Variants in ARMH3 observed in about 807,000 individuals in gnomAD.
ARMH3 encodes the protein armadillo like helical domain containing 3.
Under a neutral mutation model 99.1 loss-of-function variants are expected in ARMH3, and 60 were observed. The ratio of observed to expected loss-of-function variants is 0.61; its 90% confidence interval spans 0.49 to 0.75. ARMH3 has a LOEUF of 0.75. Ranked by LOEUF, ARMH3 falls within the 30% of genes least tolerant of loss-of-function variation. The pLI, the probability that ARMH3 is intolerant of heterozygous loss-of-function variation, is 0.00. For missense variants in ARMH3, 679 were observed against 843.1 expected, an observed-to-expected ratio of 0.81 and a Z score of 2.41; for synonymous variants, 285 against 292.8, an observed-to-expected ratio of 0.97 and a Z score of 0.27.
At chr10:101,867,988 AAAAG>A (rs2067044174) in intron 24 of ARMH3, among the ~76,000 whole-genome samples, 1 of 152,090 alleles carries the variant, frequency 6.6e-6, no homozygotes, top group Non-Finnish European at 1.5e-5. Flanking sequence ...AAAAAAAAAA[AAAAG>A]AATTGGAAAA....
intron 20 of ARMH3, among the ~76,000 whole-genome samples, chr10:101,966,488 G>A (rs568860456): frequency 6.6e-5 from 10 of 151,750 alleles, no homozygotes; most frequent in South Asian, 6.3e-4. Flanking sequence ...GGCTGGTCTC[G>A]AACTCCTGAC....
chr10:101,991,995 C>T lies in ARMH3; in HGVS notation c.1319G>A (p.Cys440Tyr), dbSNP rs762298175. Reference sequence around the variant, plus strand: ...CAGTACTGCACATACTAAAGGACGGCAGGGAAGATTCTTGTCTGCTGCCTT... The same window carrying T: ...CAGTACTGCACATACTAAAGGACGGTAGGGAAGATTCTTGTCTGCTGCCTT... Reference protein sequence around the residue: ...RKKAADKNLPCRPLVCAVLDL... With the variant: ...RKKAADKNLPYRPLVCAVLDL... Residue 440 changes from cysteine (C) to tyrosine (Y), a missense_variant, in exon 18 of 26, where the codon TGC becomes TAC. Around this residue, in one of 3 missense-constraint regions of ARMH3, gnomAD observed 389 missense variants for 456.5 expected, o/e 0.85. Coordinates refer to ENST00000370033, the MANE Select transcript of ARMH3 (RefSeq NM_024541.3). The T allele has an allele frequency of 3.1e-6, 5 of 1,614,120 alleles. No individual in the cohort carries two copies. Among genetic ancestry groups the T allele is most frequent in the Non-Finnish European group, 2.5e-6 (3 of 1,179,996 alleles).
chr10:101,991,992 C>CG lies in ARMH3; in HGVS notation c.1321dup (p.Arg441ProfsTer71). ...ACCCAGTACTGCACATACTAAAGGACGGCAGGGAAGATTCTTGTCTGCTGC... is the reference window on the plus strand; with the variant it reads ...ACCCAGTACTGCACATACTAAAGGACGGGCAGGGAAGATTCTTGTCTGCTGC... On this transcript the variant is annotated frameshift_variant, in exon 18 of 26. Coordinates refer to ENST00000370033, the MANE Select transcript of ARMH3 (RefSeq NM_024541.3). LOFTEE classifies it high-confidence loss of function. The CG allele has an allele frequency of 6.2e-7, 1 of 1,614,068 alleles. No homozygotes were observed. Among genetic ancestry groups the CG allele is most frequent in the African/African-American group, 1.3e-5 (1 of 75,014 alleles).
At chr10:101,992,493 T>C (rs902963778) in intron 17 of ARMH3, among the ~76,000 whole-genome samples, 14 of 146,896 alleles carry the variant, frequency 9.5e-5, no homozygotes, top group African/African-American at 2.9e-4. Context: ...TAAACCTCAA[T>C]GTAATTTTTT....
chr10:102,039,182 T>C (rs375309327), intron 2 of ARMH3, among the ~76,000 whole-genome samples: 3 of 152,150 alleles, frequency 2.0e-5, no homozygotes, highest in East Asian at 3.8e-4. Context: ...TCTTACTCTG[T>C]TGCCCAGGCT....
intron 23 of ARMH3, among the ~76,000 whole-genome samples, chr10:101,890,770 A>G (rs2067670278): frequency 6.6e-6 from 1 of 152,184 alleles, no homozygotes; most frequent in African/African-American, 2.4e-5. Flanking sequence ...TGTAGATACC[A>G]TGTAACCCTT....
intron 24 of ARMH3, among the ~76,000 whole-genome samples, chr10:101,851,427 T>C (rs144953725): frequency 1.3e-5 from 2 of 152,224 alleles, no homozygotes; most frequent in East Asian, 1.9e-4. Context: ...GGAAAGCCTA[T>C]GGCATCATGG....
intron 2 of ARMH3, among the ~76,000 whole-genome samples, chr10:102,037,031 G>A (rs533261376): frequency 4.0e-5 from 6 of 151,734 alleles, no homozygotes; most frequent in East Asian, 1.9e-4. Flanking sequence ...CAGCTTGGGC[G>A]ACAGAGCAAG....
At chr10:102,024,756 T>C (rs1467504895) in intron 6 of ARMH3, among the ~76,000 whole-genome samples, 3 of 151,418 alleles carry the variant, frequency 2.0e-5, no homozygotes, top group Admixed American at 6.6e-5. Flanking sequence ...GAGGCAGACG[T>C]TGAAGTGAGC....
chr10:102,032,284 A>T (rs2067149606), intron 4 of ARMH3, among the ~76,000 whole-genome samples: 1 of 152,226 alleles, frequency 6.6e-6, no homozygotes, highest in African/African-American at 2.4e-5. Flanking sequence ...TATCTCTATC[A>T]TCCAGCCCAA....
At chr10:102,013,253 A>G (rs1461239747) in intron 9 of ARMH3, among the ~76,000 whole-genome samples, 2 of 152,238 alleles carry the variant, frequency 1.3e-5, no homozygotes, top group African/African-American at 2.4e-5. Flanking sequence ...CAATGAGTCC[A>G]TGCTAAATGA....
intron 8 of ARMH3, among the ~76,000 whole-genome samples, chr10:102,022,832 G>T (rs899691115): frequency 6.6e-6 from 1 of 150,844 alleles, no homozygotes; most frequent in East Asian, 2.0e-4. Flanking sequence ...CACCCACCTC[G>T]GCCTCCCAAA....
chr10:102,029,839 A>G (rs1055840627), intron 4 of ARMH3, 94 bp from the exon 5 acceptor site: 2 of 1,208,316 alleles, frequency 1.7e-6, no homozygotes, highest in African/African-American at 3.0e-5. Context: ...CTGACACTGA[A>G]TAAATTCAAT....
intron 1 of ARMH3, among the ~76,000 whole-genome samples, chr10:102,053,803 C>T (rs574058199): frequency 6.6e-6 from 1 of 152,064 alleles, no homozygotes; most frequent in African/African-American, 2.4e-5. Context: ...GCACTACAGG[C>T]GCCCGCCACC....
At chr10:101,861,363 T>C (rs1383094954) in intron 24 of ARMH3, among the ~76,000 whole-genome samples, 3 of 152,110 alleles carry the variant, frequency 2.0e-5, no homozygotes, top group Non-Finnish European at 4.4e-5. Flanking sequence ...CATTCAGAAA[T>C]GAGAGTAAAA....
intron 19 of ARMH3, among the ~76,000 whole-genome samples, chr10:101,982,020 T>A (rs1590127811): frequency 6.1e-5 from 3 of 49,574 alleles, no homozygotes; most frequent in African/African-American, 1.3e-4. Flanking sequence ...AGACTCTATC[T>A]CAAAAAAAAA....
At chr10:102,006,888 T>C (rs1321801290) in intron 13 of ARMH3, among the ~76,000 whole-genome samples, 1 of 151,998 alleles carries the variant, frequency 6.6e-6, no homozygotes, top group Non-Finnish European at 1.5e-5. Context: ...TCACTGAGGC[T>C]GGGCACAGTG....
intron 23 of ARMH3, among the ~76,000 whole-genome samples, chr10:101,892,339 G>C (rs2067713840): frequency 6.6e-6 from 1 of 152,086 alleles, no homozygotes; most frequent in Non-Finnish European, 1.5e-5. Flanking sequence ...TTTGCCTGTA[G>C]TCTCAGCTAC....
At chr10:101,919,144 G>A (rs561200251) in intron 23 of ARMH3, among the ~76,000 whole-genome samples, 1 of 152,134 alleles carries the variant, frequency 6.6e-6, no homozygotes, top group Non-Finnish European at 1.5e-5. Context: ...AAGCAAAAAG[G>A]GGGAGGGGGC....
Sources: gnomAD v4.1 joint callset for allele counts (sites outside exome capture counted in the v4.1 genomes callset) on GRCh38, gnomAD v4.1.1 for gene constraint, gnomAD v4.1.1 regional missense constraint, MANE v1.5 for transcripts, NCBI Gene and HGNC (gene_info 2026-07-23, HGNC 2026-07-21) for gene names.